The following GALNT17 variants were observed in gnomAD, a reference collection of about 807,000 sequenced individuals.
GALNT17 encodes polypeptide N-acetylgalactosaminyltransferase 17.
Under a neutral mutation model 63.7 loss-of-function variants are expected in GALNT17, and 29 were observed. The ratio of observed to expected loss-of-function variants is 0.46; its 90% CI spans 0.34 to 0.62. The LOEUF (loss-of-function observed/expected upper bound fraction) is 0.62. Ranked by LOEUF, GALNT17 falls within the 20% of genes least tolerant of loss-of-function variation. The pLI, the probability that GALNT17 is intolerant of heterozygous loss-of-function variation, is 0.01. For missense variants in GALNT17, 603 were observed against 799.6 expected, an observed-to-expected ratio of 0.75 and a Z score of 2.97; for synonymous variants, 305 against 318.3, an observed-to-expected ratio of 0.96 and a Z score of 0.45.
At chr7:71,288,632 G>A (rs1384596645) in intron 1 of GALNT17, among the ~76,000 whole-genome samples, 3 of 152,150 alleles carry the variant, frequency 2.0e-5, no homozygotes, top group African/African-American at 4.8e-5. Context: ...ATGCTCAGGG[G>A]CCCAATGTCA....
rs190791760 is a variant in GALNT17, at chr7:71,369,539, G to C, written c.423-18696G>C. ...AAAGAATGAAAACTATGTGCCAGGCGTGGTGGCTCACGCCTGTAATCCCAG... is the reference window on the plus strand; with the variant it reads ...AAAGAATGAAAACTATGTGCCAGGCCTGGTGGCTCACGCCTGTAATCCCAG... On this transcript the variant is annotated intron_variant, in intron 2 of 10. Transcript: ENST00000333538. 8.9e-4 allele frequency among the ~76,000 whole-genome samples: 135 copies of C among 152,194 alleles called. 2 individuals carry two copies. Among genetic ancestry groups the C allele is most frequent in the African/African-American group, 3.1e-3 (129 of 41,550 alleles).
rs1412014824 is a variant in GALNT17 at position 71,199,932 on chromosome 7, A to T, written c.238+66892A>T. ...GAACCTCCTCTTTTTTGTCTTCCTT[A>T]CAGAAAAGTGTGCATTTCTTGCTTT... is the stretch of plus-strand genomic sequence containing the variant. On this transcript the variant is annotated intron_variant, in intron 1 of 10. Coordinates refer to ENST00000333538, the MANE Select transcript of GALNT17 (RefSeq NM_022479.3). Among the ~76,000 whole-genome samples the T allele has an allele frequency of 2.6e-5, 4 of 152,304 alleles. No individual in the cohort carries two copies. The South Asian group carries it at 8.3e-4, about 32-fold the overall frequency.
chr7:71,175,090 A>ATC (rs1788611769), intron 1 of GALNT17, among the ~76,000 whole-genome samples: 1 of 152,098 alleles, frequency 6.6e-6, no homozygotes, highest in South Asian at 2.1e-4. Context: ...CTATCTATCT[A>ATC]TCCATCAGTC....
intron 1 of GALNT17, among the ~76,000 whole-genome samples, chr7:71,310,811 C>T (rs58783760): frequency 0.056 from 8,467 of 152,236 alleles, 487 homozygotes; most frequent in African/African-American, 0.14. Context: ...TGGCTCTGTC[C>T]TTCATTCTGG....
intron 1 of GALNT17, among the ~76,000 whole-genome samples, chr7:71,334,911 G>C: frequency 6.6e-6 from 1 of 152,210 alleles, no homozygotes; most frequent in Non-Finnish European, 1.5e-5. Context: ...AGCATCTGCA[G>C]TTTGGCAGTT....
At chr7:71,656,038 A>G (rs1459512965) in intron 6 of GALNT17, among the ~76,000 whole-genome samples, 1 of 151,998 alleles carries the variant, frequency 6.6e-6, no homozygotes. Context: ...TACTCCCTCC[A>G]GCCCCTCTCC....
intron 1 of GALNT17, among the ~76,000 whole-genome samples, chr7:71,155,774 A>G (rs577329615): frequency 2.0e-5 from 3 of 152,006 alleles, no homozygotes; most frequent in South Asian, 2.1e-4. Context: ...GGAGATTTAA[A>G]TAAGTACTGC....
chr7:71,247,894 G>A (rs2867047), intron 1 of GALNT17, among the ~76,000 whole-genome samples: 10,273 of 152,196 alleles, frequency 0.067, 465 homozygotes, highest in Non-Finnish European at 0.089. Flanking sequence ...TAAGAAAATC[G>A]TAAGGAAGAA....
intron 5 of GALNT17, among the ~76,000 whole-genome samples, chr7:71,484,370 C>CCCAGCTA (rs1326728393): frequency 1.3e-5 from 2 of 152,140 alleles, no homozygotes; most frequent in East Asian, 3.9e-4. Flanking sequence ...CACCTGTAAT[C>CCCAGCTA]CCAGCTACTC....
chr7:71,461,373 G>A (rs1313898746), intron 5 of GALNT17, among the ~76,000 whole-genome samples: 2 of 152,222 alleles, frequency 1.3e-5, no homozygotes, highest in East Asian at 1.9e-4. Context: ...TTAAGCAGGA[G>A]TGTTAAAGCA....
At chr7:71,271,755 C>T (rs775975935) in intron 1 of GALNT17, among the ~76,000 whole-genome samples, 1 of 152,066 alleles carries the variant, frequency 6.6e-6, no homozygotes, top group Non-Finnish European at 1.5e-5. Flanking sequence ...TCTAATTCTT[C>T]CTGTCTTTTT....
chr7:71,269,004 A>G (rs1021469348), intron 1 of GALNT17, among the ~76,000 whole-genome samples: 6 of 152,190 alleles, frequency 3.9e-5, no homozygotes, highest in African/African-American at 4.8e-5. Context: ...GGCAGGTTCA[A>G]TAAAAGTCCC....
intron 5 of GALNT17, among the ~76,000 whole-genome samples, chr7:71,518,873 G>A (rs1238822798): frequency 3.3e-5 from 5 of 152,018 alleles, no homozygotes; most frequent in African/African-American, 4.8e-5. Flanking sequence ...AGTAAGAATT[G>A]GCCAATTAAT....
chr7:71,253,242 C>T (rs1038940481), intron 1 of GALNT17, among the ~76,000 whole-genome samples: 10 of 152,160 alleles, frequency 6.6e-5, no homozygotes, highest in South Asian at 2.1e-4. Context: ...CACAGTTCCC[C>T]GTGGCTGGGG....
intron 2 of GALNT17, among the ~76,000 whole-genome samples, chr7:71,367,584 A>G (rs1055047518): frequency 2.6e-5 from 4 of 152,136 alleles, no homozygotes; most frequent in African/African-American, 9.6e-5. Flanking sequence ...GGGGCCCCCA[A>G]TGCCTGAGGC....
In GALNT17 at chr7:71,677,239, G is replaced by A. The variant is rs1405597963; in HGVS notation, c.1433G>A (p.Cys478Tyr). The change falls in exon 9 of 11, where the codon TGC becomes TAC. Residue 478 changes from cysteine (C) to tyrosine (Y), a missense_variant. Cys to Tyr is a radical substitution (Grantham distance 194). Coordinates refer to ENST00000333538, the MANE Select transcript of GALNT17 (RefSeq NM_022479.3). ...CGCAACAACAAGGCAAAAGACGTCT[G>A]CTTGGACCAGGGGCCGCTGGAGAAC... Reference protein sequence around the residue: ...ELRNNKAKDVCLDQGPLENHT... With the variant: ...ELRNNKAKDVYLDQGPLENHT... 1.9e-6 allele frequency: 3 copies of A among 1,613,984 alleles called. No individual in the cohort carries two copies. Among genetic ancestry groups the A allele is most frequent in the Non-Finnish European group, 2.5e-6 (3 of 1,179,940 alleles).
At chr7:71,689,333 A>G (rs1410986356) in intron 9 of GALNT17, among the ~76,000 whole-genome samples, 1 of 152,206 alleles carries the variant, frequency 6.6e-6, no homozygotes, top group African/African-American at 2.4e-5. Context: ...TTGCCAAGTT[A>G]TGAATGCAAA....
chr7:71,257,105 C>T (rs1203101990), intron 1 of GALNT17, among the ~76,000 whole-genome samples: 1 of 152,154 alleles, frequency 6.6e-6, no homozygotes, highest in Non-Finnish European at 1.5e-5. Context: ...TTTTATATAG[C>T]TCGTAGTTTG....
chr7:71,671,875 A>T (rs1413600760), intron 8 of GALNT17, among the ~76,000 whole-genome samples: 3 of 152,000 alleles, frequency 2.0e-5, no homozygotes, highest in Admixed American at 2.0e-4. Context: ...TATATATATT[A>T]AAAAACTAGC....
Sources: gnomAD v4.1 joint callset for allele counts (sites outside exome capture counted in the v4.1 genomes callset) on GRCh38, gnomAD v4.1.1 for gene constraint, MANE v1.5 for transcripts, NCBI Gene and HGNC (gene_info 2026-07-23, HGNC 2026-07-21) for gene names.